CACNA2D2: variants seen among roughly 807,000 people sequenced by gnomAD.
The protein encoded by CACNA2D2 is calcium voltage-gated channel auxiliary subunit alpha2delta 2.
A neutral mutation model predicts 166.4 loss-of-function variants in CACNA2D2; 48 were observed. The observed-to-expected ratio is 0.29, with a 90% CI of 0.23 to 0.37. The LOEUF (loss-of-function observed/expected upper bound fraction) is 0.37. CACNA2D2 is among the 10% of genes least tolerant of loss of function. The pLI is 1.00. For missense variants in CACNA2D2, 1,122 were observed against 1,433.0 expected, an observed-to-expected ratio of 0.78 and a Z score of 3.50; for synonymous variants, 561 against 573.7, an observed-to-expected ratio of 0.98 and a Z score of 0.32.
intron 1 of CACNA2D2, among the ~76,000 whole-genome samples, chr3:50,479,814 A>G (rs538598807): frequency 7.2e-5 from 11 of 152,256 alleles, no homozygotes; most frequent in African/African-American, 2.6e-4. Context: ...TGCCTCCCTG[A>G]CCAGACAATG....
Position 50,366,548 on chromosome 3 carries a change from G to A in CACNA2D2, c.2637+30C>T, listed in dbSNP as rs1232884177. The A allele has an allele frequency of 1.2e-6, 2 of 1,612,338 alleles. No homozygotes were observed. Among genetic ancestry groups the A allele is most frequent in the African/African-American group, 1.3e-5 (1 of 74,900 alleles). On this transcript the variant is annotated intron_variant, in intron 30 of 37. Coordinates refer to ENST00000424201, the MANE Select transcript of CACNA2D2 (RefSeq NM_006030.4). This position sits in a 1 kb window ranked among gnomAD's most constrained non-coding sequence, Gnocchi z 5.9. ...GGAAGTCTGGAAGTGGGGTAAGCTA[G>A]GGTCCAGGGTAGGTTCAGGGCACAC...
chr3:50,367,852 G>T lies in CACNA2D2; in HGVS notation c.2194C>A (p.Gln732Lys), dbSNP rs1704425722. ...NLILDTGITQ[Q>K]LVERVWRDQD... The stretch of plus-strand genomic sequence containing the variant: ...TCCCTCCACACACGCTCTACCAGCT[G>T]CTGCGTGATGCCCGTGTCCAAGATC... The change falls in exon 25 of 38, where the codon CAG becomes AAG. Residue 732 changes from glutamine to lysine, a missense_variant. Coordinates refer to ENST00000424201, the MANE Select transcript of CACNA2D2 (RefSeq NM_006030.4). This position sits in a 1 kb window ranked among gnomAD's most constrained non-coding sequence, Gnocchi z 6.5. The T allele has an allele frequency of 6.2e-7, 1 of 1,613,172 alleles. No homozygotes were observed. Among genetic ancestry groups the T allele is most frequent in the Non-Finnish European group, 8.5e-7 (1 of 1,179,852 alleles).
chr3:50,447,132 G>A (rs767313680), intron 2 of CACNA2D2, among the ~76,000 whole-genome samples: 1 of 152,238 alleles, frequency 6.6e-6, no homozygotes, highest in Non-Finnish European at 1.5e-5. Context: ...GAAGGCTGGT[G>A]AGGAGAGCTT....
intron 5 of CACNA2D2, among the ~76,000 whole-genome samples, chr3:50,384,804 T>C (rs1247813444): frequency 1.3e-5 from 2 of 152,210 alleles, no homozygotes; most frequent in African/African-American, 2.4e-5. Context: ...AGCCCCTTCA[T>C]GGAGTTCCTC....
At chr3:50,411,055 T>C (rs1559922313) in intron 3 of CACNA2D2, among the ~76,000 whole-genome samples, 2 of 152,182 alleles carry the variant, frequency 1.3e-5, no homozygotes, top group African/African-American at 2.4e-5. Context: ...GGAAGGGCTG[T>C]TCCTGTTGGG....
rs532084102 is a variant in CACNA2D2 at position 50,502,543 on chromosome 3, G to C, written c.206+675C>G. ...AGAAGCTATTACTCTGTTGGCAGCA[G>C]CAGCAGGCGCAGGCAGGGGTCCTTC... On this transcript the variant is annotated intron_variant, in intron 1 of 37. Coordinates refer to ENST00000424201, the MANE Select transcript of CACNA2D2 (RefSeq NM_006030.4). Among the ~76,000 whole-genome samples, 4 of 152,348 alleles carry C rather than the reference G, an allele frequency of 2.6e-5. No homozygotes were observed. In the South Asian group the frequency reaches 8.3e-4, roughly 32 times the overall value.
At position 50,427,498 on chromosome 3, in the gene CACNA2D2, C is replaced by G. The variant is rs1707857171; in HGVS notation, c.405+6815G>C. ...CGCCCACGCGTGCGCCTAATTGGCT[C>G]CACGTGTCTGCGGCTCCTTTCCAGA... is the stretch of plus-strand genomic sequence containing the variant. On this transcript the variant is annotated intron_variant, in intron 3 of 37. Transcript: ENST00000424201. This position sits in a 1 kb window ranked among gnomAD's most constrained non-coding sequence, Gnocchi z 4.7. 6.6e-6 allele frequency among the ~76,000 whole-genome samples: 1 copy of G among 152,240 alleles called. No individual in the cohort carries two copies.
Position 50,380,166 on chromosome 3 carries a change from T to C in CACNA2D2, c.843-148A>G, listed in dbSNP as rs951953573. The C allele has an allele frequency of 1.1e-5, 8 of 756,184 alleles. No homozygotes were observed. In the African/African-American group the frequency reaches 1.2e-4, roughly 11 times the overall value. The allele number at this position is 756,184 out of a possible 1,614,324, so 46.8% of individuals were successfully genotyped here. A position where few individuals can be genotyped will look rare whatever the true frequency, so the allele number is the denominator to read the frequency against. On this transcript the variant is annotated intron_variant, in intron 8 of 37. Coordinates refer to ENST00000424201, the MANE Select transcript of CACNA2D2 (RefSeq NM_006030.4). This position sits in a 1 kb window ranked among gnomAD's most constrained non-coding sequence, Gnocchi z 4.9. ...TTCTATGCACCGATGATACCACATTTAACGAAACAGACACAGTCCTTGCCC... is the reference window on the plus strand; with the variant it reads ...TTCTATGCACCGATGATACCACATTCAACGAAACAGACACAGTCCTTGCCC...
chr3:50,365,199 G>C lies in CACNA2D2; in HGVS notation c.3099-15C>G. 1 of 1,611,212 alleles carries C rather than the reference G, an allele frequency of 6.2e-7. No individual in the cohort carries two copies. The highest frequency in any genetic ancestry group is 8.5e-7 in the Non-Finnish European group (1 of 1,179,186). On this transcript the variant is annotated splice_polypyrimidine_tract_variant and intron_variant, in intron 35 of 37. Transcript: ENST00000424201. The surrounding 1 kb of genome is among the most constrained non-coding windows in gnomAD (Gnocchi z 4.5). ...CGTGGAACAGCCTGCGGGCAGCCCG[G>C]AAAGGCGGGGCGTTGAGTTTGCCCC...
At chr3:50,422,631 C>G (rs1575663276) in intron 3 of CACNA2D2, among the ~76,000 whole-genome samples, 1 of 152,238 alleles carries the variant, frequency 6.6e-6, no homozygotes, top group Non-Finnish European at 1.5e-5. Context: ...ACCACACTTC[C>G]CCTCAGAAGA....
intron 6 of CACNA2D2, among the ~76,000 whole-genome samples, chr3:50,383,647 T>G (rs587622960): frequency 7.4e-4 from 112 of 152,234 alleles, no homozygotes; most frequent in Middle Eastern, 3.4e-3. Flanking sequence ...TCCCCCTTCC[T>G]TATATCCCCA....
In CACNA2D2 at chr3:50,427,830, C is replaced by T. The variant is rs1222411254; in HGVS notation, c.405+6483G>A. ...TTCCAGGCCAGGCCTTGGCAGTAGG[C>T]GACATCCATGGCCTGGTCCTCCAGG... On this transcript the variant is annotated intron_variant, in intron 3 of 37. Transcript: ENST00000424201. This position sits in a 1 kb window ranked among gnomAD's most constrained non-coding sequence, Gnocchi z 4.7. Among the ~76,000 whole-genome samples, 2 of 152,192 alleles carry T rather than the reference C, an allele frequency of 1.3e-5. No homozygotes were observed. The highest frequency in any genetic ancestry group is 1.9e-4 in the East Asian group (1 of 5,184).
At chr3:50,400,540 G>A (rs1397250704) in intron 3 of CACNA2D2, among the ~76,000 whole-genome samples, 1 of 152,222 alleles carries the variant, frequency 6.6e-6, no homozygotes, top group African/African-American at 2.4e-5. Context: ...ACCTTCTGAG[G>A]GCATGTCTTG....
At chr3:50,440,478 G>T (rs1182383584) in intron 2 of CACNA2D2, among the ~76,000 whole-genome samples, 1 of 152,276 alleles carries the variant, frequency 6.6e-6, no homozygotes, top group Non-Finnish European at 1.5e-5. Flanking sequence ...GTCACACACA[G>T]GTTTTGTACA....
At chr3:50,445,750 C>T (rs968602324) in intron 2 of CACNA2D2, among the ~76,000 whole-genome samples, 3 of 152,192 alleles carry the variant, frequency 2.0e-5, no homozygotes, top group African/African-American at 7.2e-5. Flanking sequence ...ACAGCCTATC[C>T]TGGGCTCTCA....
chr3:50,503,414 G>C lies in CACNA2D2; in HGVS notation c.10C>G (p.Pro4Ala), dbSNP rs1441719733. The C allele has an allele frequency of 5.1e-6, 1 of 194,674 alleles. No homozygotes were observed. Among genetic ancestry groups the C allele is most frequent in the Non-Finnish European group, 1.0e-5 (1 of 98,704 alleles). The allele number at this position is 194,674 out of a possible 1,614,324, so 12.1% of individuals were successfully genotyped here. MAV[P>A]ARTCGASRPG... Reference sequence around the variant, plus strand: ...CGAGAGGCGCCGCAGGTCCGAGCCGGCACCGCCATGTTTCCATTCAAGATG... The same window carrying C: ...CGAGAGGCGCCGCAGGTCCGAGCCGCCACCGCCATGTTTCCATTCAAGATG... Residue 4 changes from proline to alanine, a missense_variant, in exon 1 of 38, where the codon CCG becomes GCG. Pro to Ala is a conservative substitution (Grantham distance 27). Coordinates refer to ENST00000424201, the MANE Select transcript of CACNA2D2 (RefSeq NM_006030.4).
chr3:50,464,483 G>A (rs754729785), intron 2 of CACNA2D2, among the ~76,000 whole-genome samples: 1 of 152,180 alleles, frequency 6.6e-6, no homozygotes, highest in African/African-American at 2.4e-5. Context: ...CCTCAATCTG[G>A]TGGCCCTGTT....
At chr3:50,369,857 G>A (rs925866127) in intron 23 of CACNA2D2, among the ~76,000 whole-genome samples, 11 of 152,372 alleles carry the variant, frequency 7.2e-5, no homozygotes, top group African/African-American at 1.4e-4. Flanking sequence ...GCCTAGACCC[G>A]GCACTGCCGA....
At position 50,366,460 on chromosome 3, in the gene CACNA2D2, G is replaced by A; in HGVS notation, c.2637+118C>T. The A allele has an allele frequency of 6.8e-7, 1 of 1,464,724 alleles. No homozygotes were observed. Among genetic ancestry groups the A allele is most frequent in the Non-Finnish European group, 9.6e-7 (1 of 1,045,136 alleles). 90.7% of individuals were successfully genotyped at this position (1,464,724 alleles called of 1,614,324 possible). On this transcript the variant is annotated intron_variant, in intron 30 of 37. Coordinates refer to ENST00000424201, the MANE Select transcript of CACNA2D2 (RefSeq NM_006030.4). The surrounding 1 kb of genome is among the most constrained non-coding windows in gnomAD (Gnocchi z 5.9). ...CCCCCAGTCCTGGGAAGGCTGTGAAGTCAGGGTGGGGATGTTGAGACCCAC... is the reference window on the plus strand; with the variant it reads ...CCCCCAGTCCTGGGAAGGCTGTGAAATCAGGGTGGGGATGTTGAGACCCAC...
Sources: allele counts gnomAD v4.1 joint callset (sites outside exome capture counted in the v4.1 genomes callset), GRCh38; gene constraint gnomAD v4.1.1; non-coding constraint Gnocchi (gnomAD v3.1); transcripts MANE v1.5; gene names NCBI Gene and HGNC (gene_info 2026-07-23, HGNC 2026-07-21).